Variants in TUBGCP6 observed in about 807,000 individuals in gnomAD.
TUBGCP6 encodes gamma-tubulin complex component 6.
TUBGCP6 carries 161 observed loss-of-function variants against 175.8 expected under a neutral mutation model. The ratio of observed to expected loss-of-function variants is 0.92; its 90% CI spans 0.81 to 1.04. The LOEUF is 1.04. TUBGCP6 is among the 50% of genes least tolerant of loss of function. TUBGCP6 has a pLI of 0.00. For synonymous variants in TUBGCP6, 1,173 were observed against 1,030.5 expected, an observed-to-expected ratio of 1.14 and a Z score of -2.65; for missense variants, 2,572 against 2,433.0, an observed-to-expected ratio of 1.06 and a Z score of -1.20.
chr22:50,221,703 C>T lies in TUBGCP6; in HGVS notation c.2656G>A (p.Gly886Arg), dbSNP rs777202365. The change falls in exon 16 of 25, where the codon GGG becomes AGG. Residue 886 changes from glycine (G) to arginine (R), a missense_variant. Physicochemically the swap from Gly to Arg is moderately radical, Grantham distance 125. Coordinates refer to ENST00000248846, the MANE Select transcript of TUBGCP6 (RefSeq NM_020461.4). ...AGGCTGTCAGAGAAGGGTCTGGCCC[C>T]CTCCGCCTGCTGCAGCCCCCTGCCA... ...AGGRGLQQAE[G>R]ARPFSDSLSI... is the part of the protein sequence containing the mutation. 2.6e-6 allele frequency: 4 copies of T among 1,516,528 alleles called. No homozygotes were observed. The East Asian group carries it at 6.8e-5, about 26-fold the overall frequency. 93.9% of individuals were successfully genotyped at this position (1,516,528 alleles called of 1,614,324 possible).
chr22:50,241,856 C>T (rs1363668508), intron 1 of TUBGCP6, among the ~76,000 whole-genome samples: 15 of 151,926 alleles, frequency 9.9e-5, no homozygotes, highest in Non-Finnish European at 1.9e-4. Context: ...GGTAGTGATC[C>T]CCCGGGCCCA....
intron 4 of TUBGCP6, 70 bp downstream of exon 4, chr22:50,229,334 G>C (rs973819540): frequency 2.1e-5 from 32 of 1,539,736 alleles, no homozygotes; most frequent in Non-Finnish European, 2.6e-5. Context: ...GGACCTCTGA[G>C]ATTCTCTCTT....
chr22:50,222,167 A>T (rs2064537511), intron 14 of TUBGCP6, 65 bp from the exon 15 acceptor site: 1 of 1,530,396 alleles, frequency 6.5e-7, no homozygotes, highest in African/African-American at 1.4e-5. Context: ...CCCCACACAA[A>T]GCCACAGCCC....
rs2064462148 is a variant in TUBGCP6 at position 50,218,743 on chromosome 22, T to C, written c.4781A>G (p.Asn1594Ser). The change falls in exon 21 of 25, where the codon AAC (asparagine) becomes AGC (serine). Residue 1594 changes from asparagine to serine, a missense_variant. Coordinates refer to ENST00000248846, the MANE Select transcript of TUBGCP6 (RefSeq NM_020461.4). ...LKYLPEVFAP[N>S]APDVLSCLEL... ...CAGGCAGCTCAGCACATCCGGGGCG[T>C]TGGGGGCAAACACCTCGGGCAGGTA... is the stretch of plus-strand genomic sequence containing the variant. 9.3e-6 allele frequency: 15 copies of C among 1,613,752 alleles called. No homozygotes were observed. The highest frequency in any genetic ancestry group is 3.3e-5 in the Admixed American group (2 of 59,980).
intron 2 of TUBGCP6, among the ~76,000 whole-genome samples, chr22:50,238,532 G>GT (rs1314149857): frequency 6.2e-4 from 71 of 113,854 alleles, no homozygotes; most frequent in African/African-American, 1.1e-3. Flanking sequence ...TGTAGGGCCA[G>GT]TTTTTTTTTT....
intron 6 of TUBGCP6, 62 bp downstream of exon 6, chr22:50,226,937 C>T: frequency 6.4e-7 from 1 of 1,574,314 alleles, no homozygotes; most frequent in Non-Finnish European, 8.6e-7. Context: ...GGGACACGCT[C>T]AGCCACCCCC....
At chr22:50,230,465 G>C (rs1569119683) in intron 3 of TUBGCP6, among the ~76,000 whole-genome samples, 1 of 151,962 alleles carries the variant, frequency 6.6e-6, no homozygotes, top group African/African-American at 2.4e-5. Flanking sequence ...AAATTAGCCA[G>C]GCATGGTGGC....
intron 4 of TUBGCP6, among the ~76,000 whole-genome samples, chr22:50,228,797 G>A (rs1188411390): frequency 6.6e-6 from 1 of 152,074 alleles, no homozygotes. Context: ...TGCTGCAGCA[G>A]CAACAGTCAA....
intron 18 of TUBGCP6, 79 bp downstream of exon 18, chr22:50,219,565 C>G: frequency 6.3e-7 from 1 of 1,591,552 alleles, no homozygotes; most frequent in East Asian, 2.2e-5. Context: ...AGGGCTCCGC[C>G]CCAACCCACA....
chr22:50,242,930 AGAG>A (rs1334524089), intron 1 of TUBGCP6, among the ~76,000 whole-genome samples: 3 of 152,360 alleles, frequency 2.0e-5, no homozygotes, highest in Admixed American at 6.5e-5. Context: ...CTGTCGCTGC[AGAG>A]GAGGGTGGCC....
intron 3 of TUBGCP6, among the ~76,000 whole-genome samples, chr22:50,231,445 A>C (rs139682851): frequency 0.013 from 1,925 of 150,168 alleles, 38 homozygotes; most frequent in African/African-American, 0.043. Context: ...CAGAGTGAGA[A>C]TCCGTCTCAA....
chr22:50,231,392 T>C (rs894448278), intron 3 of TUBGCP6, among the ~76,000 whole-genome samples: 2 of 151,406 alleles, frequency 1.3e-5, no homozygotes, highest in Non-Finnish European at 2.9e-5. Context: ...AGGCGGAGGC[T>C]GCAGTGAGCT....
At chr22:50,219,579 G>A (rs535077289) in intron 18 of TUBGCP6, 65 bp downstream of exon 18, 593 of 1,596,808 alleles carry the variant, frequency 3.7e-4, no homozygotes, top group Non-Finnish European at 4.9e-4. Flanking sequence ...ACCCACAGGA[G>A]GTGGAGCACG....
intron 9 of TUBGCP6, 44 bp downstream of exon 9, chr22:50,226,006 G>A: frequency 6.2e-7 from 1 of 1,613,442 alleles, no homozygotes; most frequent in Non-Finnish European, 8.5e-7. Context: ...TCAGCCCCAG[G>A]GAAGACCGGC....
At position 50,244,065 on chromosome 22, in the gene TUBGCP6, T is replaced by G; in HGVS notation, c.395A>C (p.Tyr132Ser). ...CCCCACATGCTTGTTGTTAAGGAAG[T>G]AGTCTCGTTTTCTCGGCAGAACTTG... ...PPQVLPRKRD[Y>S]FLNNKHVGRN... The change falls in exon 1 of 25, where the codon TAC (tyrosine) becomes TCC (serine). Residue 132 changes from tyrosine (Y) to serine (S), a missense_variant. By Grantham distance (144) the Tyr-to-Ser change is moderately radical. Coordinates refer to ENST00000248846, the MANE Select transcript of TUBGCP6 (RefSeq NM_020461.4). 2 of 1,613,980 alleles carry G rather than the reference T, an allele frequency of 1.2e-6. No individual in the cohort carries two copies. The highest frequency in any genetic ancestry group is 1.7e-6 in the Non-Finnish European group (2 of 1,180,022).
intron 1 of TUBGCP6, 142 bp from the exon 2 acceptor site, chr22:50,240,509 T>G (rs970155278): frequency 2.0e-5 from 21 of 1,032,594 alleles, no homozygotes; most frequent in Non-Finnish European, 4.2e-6. Context: ...TACCATACAA[T>G]GTTTCCCACC....
intron 3 of TUBGCP6, among the ~76,000 whole-genome samples, chr22:50,229,978 A>G (rs1191274683): frequency 2.0e-5 from 3 of 152,162 alleles, no homozygotes; most frequent in Non-Finnish European, 4.4e-5. Flanking sequence ...CATTCTCCAC[A>G]GTATGTTTAT....
In TUBGCP6 at chr22:50,244,187, C is replaced by G. The variant is rs1423752396; in HGVS notation, c.273G>C (p.Glu91Asp). Reference protein sequence around the residue: ...GLGPKADRLEELVEELEAAPC... With the variant: ...GLGPKADRLEDLVEELEAAPC... ...GGGCTGCTTCCAGCTCCTCCACAAGCTCCTCCAAACGGTCGGCCTTGGGGC... is the reference window on the plus strand; with the variant it reads ...GGGCTGCTTCCAGCTCCTCCACAAGGTCCTCCAAACGGTCGGCCTTGGGGC... Residue 91 changes from glutamate to aspartate, a missense_variant, in exon 1 of 25, where the codon GAG becomes GAC. Transcript: ENST00000248846. 11 of 1,613,220 alleles carry G rather than the reference C, an allele frequency of 6.8e-6. No homozygotes were observed. The highest frequency in any genetic ancestry group is 1.6e-4 in the Middle Eastern group (1 of 6,084).
rs1602504520 is a variant in TUBGCP6 at position 50,219,162 on chromosome 22, A to G, written c.4532T>C (p.Leu1511Pro). ...KAAVDYFFVE[L>P]HLEAHYEALR... ...TGCCTCATAGTGCGCCTCCAGGTGC[A>G]GCTCCACGAAGAAGTAGTCGACAGC... Residue 1511 changes from leucine to proline, a missense_variant, in exon 20 of 25, where the codon CTG becomes CCG. By Grantham distance (98) the Leu-to-Pro change is moderately conservative (BLOSUM62 -3). Coordinates refer to ENST00000248846, the MANE Select transcript of TUBGCP6 (RefSeq NM_020461.4). 6.2e-7 allele frequency: 1 copy of G among 1,612,570 alleles called. No individual in the cohort carries two copies. Among genetic ancestry groups the G allele is most frequent in the Non-Finnish European group, 8.5e-7 (1 of 1,179,986 alleles).
Sources: allele counts gnomAD v4.1 joint callset (sites outside exome capture counted in the v4.1 genomes callset), GRCh38; gene constraint gnomAD v4.1.1; transcripts MANE v1.5; gene names NCBI Gene and HGNC (gene_info 2026-07-23, HGNC 2026-07-21).